Variants in EP300 observed in about 807,000 individuals in gnomAD.
EP300 encodes EP300 lysine acetyltransferase.
Under a neutral mutation model 264.0 loss-of-function variants are expected in EP300, and 31 were observed. That is an observed-to-expected ratio of 0.12 (90% CI 0.09 to 0.16). The LOEUF is 0.16. Among genes scored for constraint, EP300 ranks in the 10% least tolerant of loss-of-function variants. EP300 has a pLI of 1.00. For missense variants in EP300, 2,766 were observed against 3,052.9 expected, an observed-to-expected ratio of 0.91 and a Z score of 2.21; for synonymous variants, 1,340 against 1,045.4, an observed-to-expected ratio of 1.28 and a Z score of -5.44.
chr22:41,156,550 A>G (rs968157831), intron 17 of EP300, among the ~76,000 whole-genome samples: 2 of 152,054 alleles, frequency 1.3e-5, no homozygotes, highest in African/African-American at 4.8e-5. Flanking sequence ...GTGAAACCCC[A>G]TCTCTACTAA....
At chr22:41,164,220 T>G (rs1290083181) in intron 22 of EP300, 90 bp downstream of exon 22, 3 of 1,155,970 alleles carry the variant, frequency 2.6e-6, no homozygotes, top group Non-Finnish European at 3.9e-6. Context: ...CTGTATTATA[T>G]CTTCAAAGTT....
intron 5 of EP300, 61 bp from the exon 6 acceptor site, chr22:41,131,327 T>G: frequency 1.9e-6 from 3 of 1,551,682 alleles, no homozygotes; most frequent in South Asian, 1.1e-5. Context: ...TTATTAGACA[T>G]GTTAGTCTTT....
Position 41,177,440 on chromosome 22 carries a change from C to T in EP300, c.5729C>T (p.Pro1910Leu), listed in dbSNP as rs2059207843. ...GCAGGCCAGGTGACCCCTCCAACCC[C>T]TCCTCAGACTGCTCAGCCACCCCTT... ...KAAGQVTPPT[P>L]PQTAQPPLPG... The change falls in exon 31 of 31, where the codon CCT becomes CTT. Residue 1910 changes from proline to leucine, a missense_variant. Pro to Leu is a moderately conservative substitution (Grantham distance 98). Coordinates refer to ENST00000263253, the MANE Select transcript of EP300 (RefSeq NM_001429.4). 6.2e-7 allele frequency: 1 copy of T among 1,614,130 alleles called. No homozygotes were observed. The highest frequency in any genetic ancestry group is 8.5e-7 in the Non-Finnish European group (1 of 1,180,028).
chr22:41,163,434 CAAAAAAAAAA>C (rs763502729), intron 21 of EP300, among the ~76,000 whole-genome samples: 1 of 44,998 alleles, frequency 2.2e-5, no homozygotes, highest in Non-Finnish European at 4.5e-5. Flanking sequence ...GACTCCGTCT[CAAAAAAAAAA>C]AAAAAAAAAA....
At chr22:41,155,198 G>A (rs2059070115) in intron 17 of EP300, 85 bp downstream of exon 17, 1 of 1,028,226 alleles carries the variant, frequency 9.7e-7, no homozygotes, top group Middle Eastern at 2.1e-4. Context: ...AAACAGTATA[G>A]CCACTCATTT....
rs764698803 is a variant in EP300 at position 41,149,920 on chromosome 22, C to G, written c.2539C>G (p.Pro847Ala). The G allele has an allele frequency of 6.2e-7, 1 of 1,613,820 alleles. No homozygotes were observed. Residue 847 changes from proline (P) to alanine (A), a missense_variant, in exon 14 of 31, where the codon CCA (proline) becomes GCA (alanine). Pro to Ala is a conservative substitution (Grantham distance 27). Transcript: ENST00000263253. ...TACCCCCACCCCTCACCATACTCCC[C>G]CAAGCATAGGGGCTCAGCAGCCACC... The part of the protein sequence containing the change: ...SRTPTPHHTP[P>A]SIGAQQPPAT...
intron 7 of EP300, among the ~76,000 whole-genome samples, chr22:41,137,003 T>C (rs1201724751): frequency 1.3e-5 from 2 of 151,380 alleles, no homozygotes; most frequent in Non-Finnish European, 2.9e-5. Flanking sequence ...GAGGTTGCAG[T>C]GAGCTGAGAT....
In EP300 at chr22:41,093,116, C is replaced by T. The variant is rs374633704; in HGVS notation, c.94+18C>T. On this transcript the variant is annotated intron_variant, in intron 1 of 30. Transcript: ENST00000263253. ...TGGCACAGGTTAGTTTCGGCAGCCC[C>T]GGCCTTCCACGTTCCCTTTAATCTT... is the stretch of plus-strand genomic sequence containing the variant. 8.7e-6 allele frequency: 14 copies of T among 1,611,914 alleles called. No individual in the cohort carries two copies. The East Asian group carries it at 2.9e-4, about 33-fold the overall frequency.
In EP300 at chr22:41,158,562, A is replaced by T. The variant is rs991384467; in HGVS notation, c.3590+62A>T. On this transcript the variant is annotated intron_variant, in intron 19 of 30. Coordinates refer to ENST00000263253, the MANE Select transcript of EP300 (RefSeq NM_001429.4). ...CCACATGTCCAGGGAGTGCATGCGG[A>T]TGGGCCAGCACACATACAGTCATGG... The T allele has an allele frequency of 7.7e-6, 10 of 1,294,648 alleles. No individual in the cohort carries two copies. The Admixed American group carries it at 8.8e-5, about 11-fold the overall frequency. 80.2% of individuals were successfully genotyped at this position (1,294,648 alleles called of 1,614,324 possible). A position where few individuals can be genotyped will look rare whatever the true frequency, so the allele number is the denominator to read the frequency against.
intron 21 of EP300, 151 bp from the exon 22 acceptor site, chr22:41,163,902 C>A: frequency 1.3e-6 from 1 of 752,760 alleles, no homozygotes; most frequent in Non-Finnish European, 2.3e-6. Flanking sequence ...AACAGAGACC[C>A]TATCTCTAAA....
At chr22:41,156,950 A>C (rs572469932) in intron 17 of EP300, among the ~76,000 whole-genome samples, 71 of 152,218 alleles carry the variant, frequency 4.7e-4, no homozygotes, top group Middle Eastern at 6.3e-3. Flanking sequence ...TGATGTCTAG[A>C]AAGTCCATAG....
rs2059231119 is a variant in EP300 at position 41,179,854 on chromosome 22, TTC to T, written c.*900_*901del. On this transcript the variant is annotated 3_prime_UTR_variant, in exon 31 of 31. Transcript: ENST00000263253. Reference sequence around the variant, plus strand: ...CCTGGGGGTTTCTTCTTTGCTTGCTTTCTTCCTCCTTACCCTACCCCCCACTC... The same window carrying T: ...CCTGGGGGTTTCTTCTTTGCTTGCTTTTCCTCCTTACCCTACCCCCCACTC... 4.4e-6 allele frequency: 1 copy of T among 227,252 alleles called. No homozygotes were observed. Among genetic ancestry groups the T allele is most frequent in the African/African-American group, 2.3e-5 (1 of 43,954 alleles). 14.1% of individuals were successfully genotyped at this position (227,252 alleles called of 1,614,324 possible).
intron 1 of EP300, among the ~76,000 whole-genome samples, chr22:41,102,281 T>C (rs1406434251): frequency 3.9e-5 from 6 of 152,138 alleles, no homozygotes; most frequent in African/African-American, 1.4e-4. Flanking sequence ...ATCAGCATTG[T>C]ATTTGGGAAG....
chr22:41,126,089 A>G (rs772679267), intron 3 of EP300, 49 bp downstream of exon 3: 1 of 1,586,518 alleles, frequency 6.3e-7, no homozygotes. Context: ...CATTTTGACA[A>G]AAGAATTGTG....
rs781518469 is a variant in EP300, at chr22:41,154,977, G to T, written c.3143-18G>T. 6.6e-7 allele frequency: 1 copy of T among 1,525,050 alleles called. No individual in the cohort carries two copies. Among genetic ancestry groups the T allele is most frequent in the Non-Finnish European group, 9.1e-7 (1 of 1,099,434 alleles). The allele number at this position is 1,525,050 out of a possible 1,614,324, so 94.5% of individuals were successfully genotyped here. A position where few individuals can be genotyped will look rare whatever the true frequency, so the allele number is the denominator to read the frequency against. ...GCTTAATTGGTAACTAATTTCAAAT[G>T]CACTTTTTTTTTTTAAGTTTTCAAA... On this transcript the variant is annotated intron_variant, in intron 16 of 30. Coordinates refer to ENST00000263253, the MANE Select transcript of EP300 (RefSeq NM_001429.4).
intron 1 of EP300, among the ~76,000 whole-genome samples, chr22:41,116,930 C>T (rs149394596): frequency 5.3e-5 from 8 of 152,170 alleles, no homozygotes; most frequent in South Asian, 4.2e-4. Flanking sequence ...TGTGGTGGTG[C>T]GCACTTGTAG....
rs1373185375 is a variant in EP300 at position 41,127,585 on chromosome 22, C to T, written c.1005C>T (p.Arg335=). 2 of 1,614,226 alleles carry T rather than the reference C, an allele frequency of 1.2e-6. No individual in the cohort carries two copies. Among genetic ancestry groups the T allele is most frequent in the Non-Finnish European group, 1.7e-6 (2 of 1,180,044 alleles). Residue 335 remains arginine (R), a synonymous_variant, in exon 4 of 31, where the codon CGC becomes CGT. Transcript: ENST00000263253. The part of the protein sequence containing the change: ...SGAHTADPEK[R]KLIQQQLVLL... ...CACATACAGCTGATCCAGAGAAGCG[C>T]AAGCTCATCCAGCAGCAGCTTGTTC...
chr22:41,129,615 G>A (rs1275790026), intron 4 of EP300, among the ~76,000 whole-genome samples: 1 of 152,182 alleles, frequency 6.6e-6, no homozygotes, highest in African/African-American at 2.4e-5. Context: ...AGTAGGTTGT[G>A]TATAGCATGG....
rs1410543176 is a variant in EP300 at position 41,131,546 on chromosome 22, C to A, written c.1441C>A (p.Pro481Thr). ...LGLPYQVNQM[P>T]TQPQVQAKNQ... is the part of the protein sequence containing the mutation. ...ACTACCCTATCAAGTAAATCAGATG[C>A]CGACACAACCCCAGGTGCAAGCAAA... The change falls in exon 6 of 31, where the codon CCG becomes ACG. Residue 481 changes from proline to threonine, a missense_variant. Transcript: ENST00000263253. The A allele has an allele frequency of 6.2e-7, 1 of 1,613,898 alleles. No homozygotes were observed. The highest frequency in any genetic ancestry group is 8.5e-7 in the Non-Finnish European group (1 of 1,180,036).
Sources: allele counts gnomAD v4.1 joint callset (sites outside exome capture counted in the v4.1 genomes callset), GRCh38; gene constraint gnomAD v4.1.1; transcripts MANE v1.5; gene names NCBI Gene and HGNC (gene_info 2026-07-23, HGNC 2026-07-21).